Variants in MATN2 observed in about 807,000 individuals in gnomAD.
MATN2 encodes matrilin 2, also known as matrilin-2.
A neutral mutation model predicts 103.2 loss-of-function variants in MATN2; 69 were observed. That is an observed-to-expected ratio of 0.67 (90% CI 0.55 to 0.82). MATN2 has a LOEUF of 0.82. Ranked by LOEUF, MATN2 falls within the 40% of genes least tolerant of loss-of-function variation. The pLI is 0.00. For missense variants in MATN2, 1,023 were observed against 1,211.5 expected (o/e 0.84, Z 2.31); for synonymous variants, 429 against 450.2 (o/e 0.95, Z 0.60).
At chr8:97,880,671 C>A (rs1189900179) in intron 1 of MATN2, among the ~76,000 whole-genome samples, 3 of 152,184 alleles carry the variant, frequency 2.0e-5, no homozygotes, top group Non-Finnish European at 4.4e-5. Flanking sequence ...AGGGCTCAGT[C>A]CTTTGGATGT....
chr8:98,006,394 C>T (rs573557673), intron 8 of MATN2, among the ~76,000 whole-genome samples: 54 of 152,252 alleles, frequency 3.5e-4, no homozygotes, highest in African/African-American at 1.0e-3. Flanking sequence ...CTGTTCTGAG[C>T]GCTTTACATA....
intron 2 of MATN2, among the ~76,000 whole-genome samples, chr8:97,907,040 G>A (rs113625770): frequency 0.11 from 14,661 of 137,532 alleles, 966 homozygotes; most frequent in Admixed American, 0.24. Context: ...TTGCTCTGTC[G>A]CCCAGGCTGG....
intron 4 of MATN2, among the ~76,000 whole-genome samples, chr8:97,949,986 G>GT (rs1011456194): frequency 3.9e-5 from 6 of 152,298 alleles, no homozygotes; most frequent in African/African-American, 1.2e-4. Flanking sequence ...GAGCAGATTA[G>GT]TGGGTGCTTG....
At chr8:97,952,501 A>G (rs1045937166) in intron 4 of MATN2, among the ~76,000 whole-genome samples, 7 of 152,118 alleles carry the variant, frequency 4.6e-5, no homozygotes, top group African/African-American at 1.4e-4. Context: ...TTCCGGTGTA[A>G]GCAGATGAAA....
rs1811936194 is a variant in MATN2 at position 97,978,992 on chromosome 8, T to TG, written c.1065_1066insG (p.Lys356GlufsTer14). The TG allele has an allele frequency of 6.2e-7, 1 of 1,610,932 alleles. No homozygotes were observed. Among genetic ancestry groups the TG allele is most frequent in the Non-Finnish European group, 8.5e-7 (1 of 1,178,838 alleles). On this transcript the variant is annotated frameshift_variant, in exon 6 of 19. Coordinates refer to ENST00000254898, the MANE Select transcript of MATN2 (RefSeq NM_002380.5). LOFTEE classifies it high-confidence loss of function. Reference sequence around the variant, plus strand: ...ATGAAGGATTTGCTCTTAACCCAGATAAAAAAACGTGCACAAGTAAGTTAC... The same window carrying TG: ...ATGAAGGATTTGCTCTTAACCCAGATGAAAAAAACGTGCACAAGTAAGTTAC...
At chr8:97,922,716 C>A (rs987910960) in intron 2 of MATN2, among the ~76,000 whole-genome samples, 8 of 152,242 alleles carry the variant, frequency 5.3e-5, no homozygotes, top group Admixed American at 3.3e-4. Context: ...GAGCCTGAGA[C>A]AGTCAACCAT....
At chr8:97,945,430 G>C (rs556867582) in intron 4 of MATN2, among the ~76,000 whole-genome samples, 8 of 151,984 alleles carry the variant, frequency 5.3e-5, no homozygotes, top group African/African-American at 1.9e-4. Context: ...CTCACTCTTG[G>C]CCATCATTTG....
chr8:97,909,498 G>A (rs1819287658), intron 2 of MATN2, among the ~76,000 whole-genome samples: 1 of 152,046 alleles, frequency 6.6e-6, no homozygotes, highest in Non-Finnish European at 1.5e-5. Context: ...TAGATGAGTC[G>A]GGGGAAGGCC....
chr8:98,003,104 G>A (rs913062809), intron 7 of MATN2, among the ~76,000 whole-genome samples: 7 of 150,728 alleles, frequency 4.6e-5, no homozygotes, highest in East Asian at 2.0e-4. Context: ...ATCCCTGGGC[G>A]TTTGTGTTCA....
intron 2 of MATN2, among the ~76,000 whole-genome samples, chr8:97,905,184 C>A (rs796878677): frequency 1.6e-4 from 25 of 152,176 alleles, no homozygotes; most frequent in African/African-American, 4.6e-4. Flanking sequence ...AAATAATTGG[C>A]CTCCTTTCTA....
At chr8:98,003,481 T>A (rs1649395422) in intron 7 of MATN2, among the ~76,000 whole-genome samples, 180 bp from the exon 8 acceptor site, 1 of 152,184 alleles carries the variant, frequency 6.6e-6, no homozygotes, top group Non-Finnish European at 1.5e-5. Context: ...AATCTCTGAA[T>A]CTAGCTCAAG....
At chr8:98,032,972 C>T in intron 16 of MATN2, 70 bp from the exon 17 acceptor site, 1 of 1,469,208 alleles carries the variant, frequency 6.8e-7, no homozygotes, top group Non-Finnish European at 9.1e-7. Flanking sequence ...AAGTACCTTA[C>T]TCTGCTGATG....
rs1353410986 is a variant in MATN2 at position 98,007,463 on chromosome 8, G to A, written c.1451-16G>A. On this transcript the variant is annotated splice_polypyrimidine_tract_variant and intron_variant, in intron 9 of 18. Transcript: ENST00000254898. The surrounding 1 kb of genome is among the most constrained non-coding windows in gnomAD (Gnocchi z 4.2). ...GGTCTCACTGATAAAGGGCTGCCTG[G>A]CTTTTGGTTTTGCAGGGGTGGATTA... The A allele has an allele frequency of 2.5e-6, 4 of 1,606,288 alleles. No individual in the cohort carries two copies. In the Admixed American group the frequency reaches 5.0e-5, roughly 20 times the overall value.
chr8:97,882,595 A>AT (rs1818289823), intron 1 of MATN2, among the ~76,000 whole-genome samples: 1 of 151,170 alleles, frequency 6.6e-6, no homozygotes, highest in Admixed American at 6.6e-5. Context: ...TAGCGATGGG[A>AT]TTTCGCCATG....
intron 11 of MATN2, among the ~76,000 whole-genome samples, chr8:98,017,433 G>A (rs897727741): frequency 1.3e-5 from 2 of 152,194 alleles, no homozygotes; most frequent in African/African-American, 4.8e-5. Context: ...AAAGGGGAGT[G>A]TGTGACCCTG....
intron 2 of MATN2, among the ~76,000 whole-genome samples, chr8:97,893,654 G>A (rs1404259796): frequency 1.9e-4 from 29 of 152,078 alleles, no homozygotes; most frequent in Non-Finnish European, 8.8e-5. Flanking sequence ...TCGGCTCACT[G>A]CAACCTCCGC....
At chr8:97,983,478 T>G (rs1812092119) in intron 6 of MATN2, among the ~76,000 whole-genome samples, 1 of 152,154 alleles carries the variant, frequency 6.6e-6, no homozygotes, top group African/African-American at 2.4e-5. Context: ...AAGAACACTC[T>G]CAGATATCCA....
chr8:97,954,144 C>T (rs1048688169), intron 4 of MATN2, among the ~76,000 whole-genome samples: 2 of 152,062 alleles, frequency 1.3e-5, no homozygotes, highest in African/African-American at 4.8e-5. Flanking sequence ...GCTCCAAAGT[C>T]GATATTCTTT....
chr8:98,029,859 A>C (rs889670187), intron 14 of MATN2, among the ~76,000 whole-genome samples: 3 of 152,224 alleles, frequency 2.0e-5, no homozygotes, highest in African/African-American at 7.2e-5. Flanking sequence ...AAAGCTTTTA[A>C]AGCAAACGCA....
Sources: allele counts gnomAD v4.1 joint callset (sites outside exome capture counted in the v4.1 genomes callset), GRCh38; gene constraint gnomAD v4.1.1; non-coding constraint Gnocchi (gnomAD v3.1); transcripts MANE v1.5; gene names NCBI Gene and HGNC (gene_info 2026-07-23, HGNC 2026-07-21).